Variants in LEPR observed in about 807,000 individuals in gnomAD.
LEPR encodes OB receptor.
LEPR carries 56 observed loss-of-function variants against 114.7 expected under a neutral mutation model. The ratio of observed to expected loss-of-function variants is 0.49; its 90% confidence interval spans 0.39 to 0.61. LEPR has a LOEUF of 0.61. Among genes scored for constraint, LEPR ranks in the 20% least tolerant of loss-of-function variants. The pLI, the probability that LEPR is intolerant of heterozygous loss-of-function variation, is 0.00. For missense variants in LEPR, 1,202 were observed against 1,352.9 expected, an observed-to-expected ratio of 0.89 and a Z score of 1.75; for synonymous variants, 443 against 461.4, an observed-to-expected ratio of 0.96 and a Z score of 0.51.
At chr1:65,507,315 T>C (rs1171166097) in intron 2 of LEPR, among the ~76,000 whole-genome samples, 1 of 152,056 alleles carries the variant, frequency 6.6e-6, no homozygotes, top group Non-Finnish European at 1.5e-5. Flanking sequence ...CCTCCCAAAG[T>C]GCTGGGATGA....
At chr1:65,425,701 A>G (rs78005150) in intron 2 of LEPR, among the ~76,000 whole-genome samples, 2,480 of 152,314 alleles carry the variant, frequency 0.016, 101 homozygotes, top group African/African-American at 0.057. Context: ...CTAGTCAGTA[A>G]TCTGGCAGCT....
chr1:65,592,896 G>T (rs1404523985), intron 6 of LEPR, 31 bp downstream of exon 6: 3 of 1,607,562 alleles, frequency 1.9e-6, no homozygotes, highest in Admixed American at 1.7e-5. Context: ...ATGATAATAG[G>T]TCTAAACATC....
chr1:65,616,980 C>T (rs1657565741), intron 15 of LEPR, among the ~76,000 whole-genome samples: 1 of 152,040 alleles, frequency 6.6e-6, no homozygotes, highest in African/African-American at 2.4e-5. Context: ...TATTTTATGT[C>T]CTGTTTACAT....
intron 5 of LEPR, among the ~76,000 whole-genome samples, chr1:65,574,569 TG>T (rs1219670160): frequency 1.3e-5 from 2 of 152,218 alleles, no homozygotes; most frequent in Non-Finnish European, 2.9e-5. Flanking sequence ...TCAGACTACC[TG>T]GCTGTACCAC....
chr1:65,542,942 A>G (rs1208715403), intron 2 of LEPR, among the ~76,000 whole-genome samples: 1 of 151,954 alleles, frequency 6.6e-6, no homozygotes, highest in Non-Finnish European at 1.5e-5. Flanking sequence ...GTGTCTTTAT[A>G]GTAGAATGAT....
intron 19 of LEPR, among the ~76,000 whole-genome samples, chr1:65,623,874 C>A (rs1658034487): frequency 6.6e-6 from 1 of 152,108 alleles, no homozygotes; most frequent in Non-Finnish European, 1.5e-5. Flanking sequence ...CTTGATGATA[C>A]CTTTACTGTT....
At chr1:65,551,254 C>T (rs1050312576) in intron 2 of LEPR, among the ~76,000 whole-genome samples, 9 of 152,060 alleles carry the variant, frequency 5.9e-5, no homozygotes, top group African/African-American at 2.2e-4. Context: ...AGGAATCCCT[C>T]TTTTCCTGTT....
At chr1:65,613,643 C>A (rs956816016) in intron 14 of LEPR, among the ~76,000 whole-genome samples, 2 of 128,796 alleles carry the variant, frequency 1.6e-5, no homozygotes, top group Non-Finnish European at 3.2e-5. Context: ...GTCCCAGCTA[C>A]TCGGGAGGCT....
At chr1:65,510,634 C>T (rs1570583903) in intron 2 of LEPR, among the ~76,000 whole-genome samples, 1 of 152,248 alleles carries the variant, frequency 6.6e-6, no homozygotes, top group Admixed American at 6.5e-5. Flanking sequence ...CAGAAGGAGA[C>T]GTTACAGCAC....
chr1:65,538,158 G>A (rs1167243564), intron 2 of LEPR, among the ~76,000 whole-genome samples: 2 of 151,548 alleles, frequency 1.3e-5, no homozygotes, highest in Admixed American at 6.6e-5. Flanking sequence ...TTTTTTGAAT[G>A]CATTTTCTTC....
At chr1:65,632,297 C>G (rs953513203) in intron 19 of LEPR, among the ~76,000 whole-genome samples, 3 of 152,048 alleles carry the variant, frequency 2.0e-5, no homozygotes, top group Non-Finnish European at 4.4e-5. Context: ...TCCCCTATGC[C>G]CAGAAATGCA....
At chr1:65,428,826 T>C (rs1345789189) in intron 2 of LEPR, among the ~76,000 whole-genome samples, 1 of 152,172 alleles carries the variant, frequency 6.6e-6, no homozygotes, top group Non-Finnish European at 1.5e-5. Flanking sequence ...GGAAACCAGA[T>C]GGCAATTTTT....
intron 15 of LEPR, among the ~76,000 whole-genome samples, 192 bp downstream of exon 15, chr1:65,616,416 A>G (rs927377282): frequency 3.9e-5 from 6 of 152,100 alleles, no homozygotes; most frequent in Non-Finnish European, 5.9e-5. Flanking sequence ...ACAGTCCTTG[A>G]GCTTTCATTT....
Position 65,433,913 on chromosome 1 carries a change from C to T in LEPR, c.-21+8535C>T, listed in dbSNP as rs965151701. The T allele has an allele frequency of 9.1e-6, 9 of 984,904 alleles. No individual in the cohort carries two copies. In the Admixed American group the frequency reaches 5.5e-4, roughly 61 times the overall value. 61.0% of individuals were successfully genotyped at this position (984,904 alleles called of 1,614,324 possible). On this transcript the variant is annotated intron_variant, in intron 2 of 19. Transcript: ENST00000349533. ...GGGCAGTTTTGAGCAATAATCTGTC[C>T]TAACAGAACAGTAGCAATAAGTTTT...
intron 8 of LEPR, among the ~76,000 whole-genome samples, chr1:65,599,899 A>G (rs1656329559): frequency 6.6e-6 from 1 of 152,148 alleles, no homozygotes; most frequent in African/African-American, 2.4e-5. Flanking sequence ...CAATAAATTT[A>G]TCCAGTGTAA....
intron 2 of LEPR, among the ~76,000 whole-genome samples, chr1:65,458,651 A>G (rs1419367412): frequency 1.3e-5 from 2 of 151,924 alleles, no homozygotes; most frequent in Non-Finnish European, 2.9e-5. Context: ...CAGTTTATGT[A>G]TGATATTCCT....
chr1:65,490,209 C>T (rs1160100945), intron 2 of LEPR, among the ~76,000 whole-genome samples: 2 of 152,084 alleles, frequency 1.3e-5, no homozygotes, highest in East Asian at 1.9e-4. Flanking sequence ...GTCATCGCTT[C>T]CAGTGTTGTT....
intron 2 of LEPR, chr1:65,525,707 G>C (rs1649901133): frequency 1.0e-6 from 1 of 985,662 alleles, no homozygotes; most frequent in South Asian, 4.7e-5. Context: ...CGAGGAGTTC[G>C]GAGCGGCCCC....
intron 1 of LEPR, among the ~76,000 whole-genome samples, chr1:65,423,225 A>G (rs748026504): frequency 3.3e-5 from 5 of 152,158 alleles, no homozygotes; most frequent in African/African-American, 1.2e-4. Context: ...CTGGAGCATC[A>G]GTTGCGGCCG....
Sources: allele counts gnomAD v4.1 joint callset (sites outside exome capture counted in the v4.1 genomes callset), GRCh38; gene constraint gnomAD v4.1.1; transcripts MANE v1.5; gene names NCBI Gene and HGNC (gene_info 2026-07-23, HGNC 2026-07-21).